Variants in SUMF1 observed in about 807,000 individuals in gnomAD.
SUMF1 encodes formylglycine-generating enzyme.
In SUMF1, 48 loss-of-function variants were observed where a neutral mutation model predicts 47.6. The observed-to-expected ratio is 1.01, with a 90% CI of 0.80 to 1.28. The LOEUF is 1.28. SUMF1 is among the 50% of genes most tolerant of loss of function. The pLI, the probability that SUMF1 is intolerant of heterozygous loss-of-function variation, is 0.00. For synonymous variants in SUMF1, 230 were observed against 192.1 expected (o/e 1.20, Z -1.63); for missense variants, 571 against 485.4 (o/e 1.18, Z -1.66).
At chr3:4,270,863 T>C (rs953462600) in intron 8 of SUMF1, among the ~76,000 whole-genome samples, 2 of 152,208 alleles carry the variant, frequency 1.3e-5, no homozygotes, top group East Asian at 1.9e-4. Context: ...TATTCTTAAA[T>C]AGCATTTCAC....
intron 7 of SUMF1, among the ~76,000 whole-genome samples, chr3:4,402,465 T>C (rs1421713292): frequency 6.6e-6 from 1 of 152,200 alleles, no homozygotes; most frequent in East Asian, 1.9e-4. Flanking sequence ...AACTAGGAGC[T>C]TCTTAACAGC....
At chr3:4,091,230 T>C (rs1692780272) in intron 8 of SUMF1, among the ~76,000 whole-genome samples, 1 of 152,130 alleles carries the variant, frequency 6.6e-6, no homozygotes, top group Admixed American at 6.5e-5. Context: ...TTTCACTTAG[T>C]GTTGTAGCTT....
chr3:4,452,521 A>T (rs1222823455), intron 2 of SUMF1, among the ~76,000 whole-genome samples: 1 of 152,262 alleles, frequency 6.6e-6, no homozygotes, highest in Non-Finnish European at 1.5e-5. Flanking sequence ...TTATCTCAAA[A>T]AGCCTTAGTG....
intron 8 of SUMF1, among the ~76,000 whole-genome samples, chr3:4,209,676 C>T (rs556433653): frequency 6.6e-5 from 10 of 152,050 alleles, no homozygotes; most frequent in African/African-American, 9.6e-5. Context: ...GATCCTTAAA[C>T]ACATGAAAAT....
At chr3:4,248,247 G>C (rs138482573) in intron 8 of SUMF1, among the ~76,000 whole-genome samples, 6 of 152,192 alleles carry the variant, frequency 3.9e-5, no homozygotes, top group African/African-American at 1.2e-4. Context: ...TCAACATTCA[G>C]AATAGACTGT....
At chr3:4,340,436 T>C (rs1262455165) in intron 8 of SUMF1, among the ~76,000 whole-genome samples, 2 of 152,168 alleles carry the variant, frequency 1.3e-5, no homozygotes, top group Middle Eastern at 3.2e-3. Flanking sequence ...ATGGTCTTCA[T>C]GAAAGTAAAT....
At position 4,402,456 on chromosome 3, in the gene SUMF1, A is replaced by C. The variant is rs182679575; in HGVS notation, c.954+8409T>G. The stretch of plus-strand genomic sequence containing the variant: ...TTGGCACTCAATCTTTCCTCAACAA[A>C]CTAGGAGCTTCTTAACAGCAAGACT... On this transcript the variant is annotated intron_variant, in intron 7 of 8. Transcript: ENST00000272902. Among the ~76,000 whole-genome samples, 11 of 152,256 alleles carry C rather than the reference A, an allele frequency of 7.2e-5. No homozygotes were observed. The East Asian group carries it at 2.1e-3, about 29-fold the overall frequency.
chr3:4,205,308 A>G (rs979593726), intron 8 of SUMF1, among the ~76,000 whole-genome samples: 8 of 152,124 alleles, frequency 5.3e-5, no homozygotes, highest in African/African-American at 1.7e-4. Flanking sequence ...CCCAAAACCT[A>G]TAAGAACTAA....
intron 8 of SUMF1, among the ~76,000 whole-genome samples, chr3:4,301,024 A>G (rs941939175): frequency 1.1e-4 from 16 of 152,284 alleles, no homozygotes; most frequent in Non-Finnish European, 2.4e-4. Context: ...ATATATATAT[A>G]TAATTTTTAT....
Position 4,276,276 on chromosome 3 carries a change from C to T in SUMF1, c.1014+100054G>A, listed in dbSNP as rs377048142. 7.2e-5 allele frequency among the ~76,000 whole-genome samples: 11 copies of T among 152,222 alleles called. 2 individuals are homozygous for T. The highest frequency in any genetic ancestry group is 6.5e-5 in the Admixed American group (1 of 15,286). ...TCCTAAAACTGAGGCTATAAGGCAG[C>T]ACATTATGAATATGCATGTTGATTT... is the stretch of plus-strand genomic sequence containing the variant. On this transcript the variant is annotated intron_variant and NMD_transcript_variant, in intron 8 of 12. Coordinates refer to the SUMF1 transcript ENST00000448413.
At chr3:4,456,936 G>A (rs559518533) in intron 1 of SUMF1, among the ~76,000 whole-genome samples, 1,224 of 114,368 alleles carry the variant, frequency 0.011, 68 homozygotes, top group African/African-American at 0.039. Context: ...ATATATATAC[G>A]TGTGTGTACA....
intron 8 of SUMF1, among the ~76,000 whole-genome samples, chr3:4,268,012 T>C: frequency 6.6e-6 from 1 of 151,914 alleles, no homozygotes; most frequent in Non-Finnish European, 1.5e-5. Context: ...ATAGACTGGA[T>C]TAAGAAAATG....
intron 8 of SUMF1, among the ~76,000 whole-genome samples, chr3:4,290,450 G>A (rs763139061): frequency 7.9e-5 from 12 of 152,146 alleles, no homozygotes; most frequent in South Asian, 6.2e-4. Context: ...ATGGACAAAA[G>A]GATAGGGTTA....
chr3:4,351,219 T>C (rs565534545), intron 8 of SUMF1, among the ~76,000 whole-genome samples: 2,925 of 123,544 alleles, frequency 0.024, 71 homozygotes, highest in African/African-American at 0.1. Context: ...ATTAGTGAGG[T>C]CTCCCCACCC....
chr3:4,056,181 G>A (rs1213004996), intron 9 of SUMF1, among the ~76,000 whole-genome samples: 1 of 152,070 alleles, frequency 6.6e-6, no homozygotes, highest in Non-Finnish European at 1.5e-5. Flanking sequence ...CTGGGATTGG[G>A]ATGTAGACAT....
At chr3:4,116,583 C>T (rs895198717) in intron 8 of SUMF1, among the ~76,000 whole-genome samples, 3 of 152,096 alleles carry the variant, frequency 2.0e-5, no homozygotes, top group African/African-American at 7.2e-5. Flanking sequence ...TCTCAAGGGT[C>T]AGCAAGTCAA....
At chr3:4,162,608 A>C (rs182078120) in intron 8 of SUMF1, among the ~76,000 whole-genome samples, 65 of 152,224 alleles carry the variant, frequency 4.3e-4, no homozygotes, top group African/African-American at 1.6e-3. Flanking sequence ...TTTCAATGTA[A>C]AGTCCTTCAG....
At chr3:4,391,939 C>A (rs1281614225) in intron 7 of SUMF1, among the ~76,000 whole-genome samples, 1 of 151,862 alleles carries the variant, frequency 6.6e-6, no homozygotes, top group South Asian at 2.1e-4. Flanking sequence ...GGTGATCCTG[C>A]CACCTCAGCG....
rs543490338 is a variant in SUMF1 at position 4,212,141 on chromosome 3, C to T, written c.1015-143396G>A. 9.2e-5 allele frequency among the ~76,000 whole-genome samples: 14 copies of T among 152,298 alleles called. No individual in the cohort carries two copies. In the South Asian group the frequency reaches 1.7e-3, roughly 18 times the overall value. ...CGCCGTGTATCCTGACTGGGAGACA[C>T]CTCCCAGTAGGGGCCGACAGACAGC... On this transcript the variant is annotated intron_variant and NMD_transcript_variant, in intron 8 of 12. Transcript: ENST00000448413.
Sources: gnomAD v4.1 joint callset for allele counts (sites outside exome capture counted in the v4.1 genomes callset) on GRCh38, gnomAD v4.1.1 for gene constraint, MANE v1.5 for transcripts, NCBI Gene and HGNC (gene_info 2026-07-23, HGNC 2026-07-21) for gene names.